DOK6: variants seen among roughly 807,000 people sequenced by gnomAD.
DOK6 encodes the protein docking protein 6, also known as downstream of tyrosine kinase 6.
In DOK6, 22 loss-of-function variants were observed where a neutral mutation model predicts 44.0. The ratio of observed to expected loss-of-function variants is 0.50; its 90% CI spans 0.36 to 0.71. DOK6 has a LOEUF of 0.71. Ranked by LOEUF, DOK6 falls within the 30% of genes least tolerant of loss-of-function variation. The pLI is 0.00. For synonymous variants in DOK6, 166 were observed against 145.5 expected (o/e 1.14, Z -1.01); for missense variants, 340 against 416.4 (o/e 0.82, Z 1.60).
In DOK6 at chr18:69,653,812, G is replaced by A. The variant is rs564917221; in HGVS notation, c.290-23922G>A. Among the ~76,000 whole-genome samples, 23 of 149,614 alleles carry A rather than the reference G, an allele frequency of 1.5e-4. No individual in the cohort carries two copies. The South Asian group carries it at 3.4e-3, about 22-fold the overall frequency. ...ACATCATTGAGATCCTCAAATTATCGCTATAATGTTTCAAACATACAAATT... is the reference window on the plus strand; with the variant it reads ...ACATCATTGAGATCCTCAAATTATCACTATAATGTTTCAAACATACAAATT... On this transcript the variant is annotated intron_variant, in intron 3 of 7. Transcript: ENST00000382713.
At position 69,443,964 on chromosome 18, in the gene DOK6, C is replaced by CATAT. The variant is rs372296596; in HGVS notation, c.66+42664_66+42667dup. ...ATAAACATATGTACACACACATAAT[C>CATAT]ATATATATATATACACACACAATAC... On this transcript the variant is annotated intron_variant, in intron 1 of 7. Transcript: ENST00000382713. Among the ~76,000 whole-genome samples the CATAT allele has an allele frequency of 5.3e-5, 8 of 151,370 alleles. No individual in the cohort carries two copies. The East Asian group carries it at 1.2e-3, about 22-fold the overall frequency.
chr18:69,691,253 G>T (rs891644297), intron 4 of DOK6, among the ~76,000 whole-genome samples: 4 of 151,890 alleles, frequency 2.6e-5, no homozygotes, highest in African/African-American at 9.7e-5. Flanking sequence ...GGACTTTCTT[G>T]TTGTCTCTGT....
chr18:69,780,184 G>C (rs192541310), intron 7 of DOK6, among the ~76,000 whole-genome samples: 27 of 152,260 alleles, frequency 1.8e-4, no homozygotes. Flanking sequence ...TATTTTTGGT[G>C]CTTCTTATTC....
chr18:69,465,395 T>C (rs1018775145), intron 1 of DOK6, among the ~76,000 whole-genome samples: 2 of 151,932 alleles, frequency 1.3e-5, no homozygotes, highest in Non-Finnish European at 2.9e-5. Context: ...CATGCTGGTG[T>C]GCTGCACCCA....
intron 1 of DOK6, among the ~76,000 whole-genome samples, chr18:69,505,650 A>T (rs1981165129): frequency 6.6e-6 from 1 of 151,078 alleles, no homozygotes; most frequent in South Asian, 2.1e-4. Flanking sequence ...GGCGCCCACC[A>T]CCACGCCAAG....
chr18:69,764,645 C>T (rs1979663317), intron 7 of DOK6, among the ~76,000 whole-genome samples: 1 of 152,144 alleles, frequency 6.6e-6, no homozygotes, highest in South Asian at 2.1e-4. Context: ...GCCAATTAAA[C>T]CTCTTTTCTT....
In DOK6 at chr18:69,551,748, T is replaced by C. The variant is rs562765606; in HGVS notation, c.67-12739T>C. Among the ~76,000 whole-genome samples the C allele has an allele frequency of 4.6e-5, 7 of 152,322 alleles. No individual in the cohort carries two copies. The South Asian group carries it at 1.4e-3, about 32-fold the overall frequency. On this transcript the variant is annotated intron_variant, in intron 1 of 7. Coordinates refer to ENST00000382713, the MANE Select transcript of DOK6 (RefSeq NM_152721.6). ...CAGTGGCTTTTAGGAAATTCATATA[T>C]TGAAACAAACATCAAAATTTCACTC...
chr18:69,582,367 A>G (rs1354328885), intron 2 of DOK6, among the ~76,000 whole-genome samples: 5 of 152,254 alleles, frequency 3.3e-5, no homozygotes, highest in African/African-American at 9.6e-5. Context: ...CCTAAATGCA[A>G]TAAGTGTATA....
intron 1 of DOK6, among the ~76,000 whole-genome samples, chr18:69,467,410 G>C (rs1979959413): frequency 6.6e-6 from 1 of 152,064 alleles, no homozygotes; most frequent in Admixed American, 6.5e-5. Context: ...AGGAACATGA[G>C]GTGATTCATT....
chr18:69,693,875 A>G (rs565040455), intron 4 of DOK6, among the ~76,000 whole-genome samples: 53 of 151,338 alleles, frequency 3.5e-4, no homozygotes, highest in South Asian at 2.1e-4. Flanking sequence ...TGGCTAACAC[A>G]GTGAAACCCC....
intron 5 of DOK6, among the ~76,000 whole-genome samples, chr18:69,737,337 A>G (rs71370312): frequency 0.14 from 21,243 of 152,190 alleles, 1,566 homozygotes; most frequent in Middle Eastern, 0.23. Flanking sequence ...GAGCAAAGGA[A>G]GAACTTCCAA....
At chr18:69,469,806 G>T in intron 1 of DOK6, 1 of 229,612 alleles carries the variant, frequency 4.4e-6, no homozygotes, top group Non-Finnish European at 9.1e-6. Context: ...CGGCAGAGGC[G>T]CCCCCACTGT....
intron 1 of DOK6, among the ~76,000 whole-genome samples, chr18:69,501,782 AG>A (rs1351086363): frequency 6.6e-6 from 1 of 152,160 alleles, no homozygotes; most frequent in Non-Finnish European, 1.5e-5. Flanking sequence ...ACTGAGACAC[AG>A]GGATGATTTA....
At chr18:69,579,571 C>CTTT (rs11463109) in intron 2 of DOK6, among the ~76,000 whole-genome samples, 2 of 147,602 alleles carry the variant, frequency 1.4e-5, no homozygotes, top group African/African-American at 5.0e-5. Flanking sequence ...GCCAACTTTT[C>CTTT]TTTTTTTTTT....
At position 69,405,239 on chromosome 18, in the gene DOK6, T is replaced by G. The variant is rs1462084698; in HGVS notation, c.66+3929T>G. Among the ~76,000 whole-genome samples the G allele has an allele frequency of 5.9e-5, 9 of 152,224 alleles. No individual in the cohort carries two copies. The East Asian group carries it at 1.7e-3, about 29-fold the overall frequency. ...TTCTGTAAACACTGTGAGTTTTCCT[T>G]TCCTCTCTCAACAGCTTTCCTCGGA... On this transcript the variant is annotated intron_variant, in intron 1 of 7. Coordinates refer to ENST00000382713, the MANE Select transcript of DOK6 (RefSeq NM_152721.6).
At chr18:69,612,879 C>G (rs550833871) in intron 3 of DOK6, among the ~76,000 whole-genome samples, 1 of 150,344 alleles carries the variant, frequency 6.7e-6, no homozygotes, top group Non-Finnish European at 1.5e-5. Flanking sequence ...GCTTTTCTTT[C>G]TTTCTTTTTT....
Position 69,550,293 on chromosome 18 carries a change from G to A in DOK6, c.67-14194G>A, listed in dbSNP as rs144502786. On this transcript the variant is annotated intron_variant, in intron 1 of 7. Transcript: ENST00000382713. ...AAATGCCTGTATGAAAATGTTCCTG[G>A]AAAGTAGCACTGATGAAATTTTCTG... Among the ~76,000 whole-genome samples the A allele has an allele frequency of 3.1e-3, 476 of 151,758 alleles. 4 individuals are homozygous for A. Among genetic ancestry groups the A allele is most frequent in the African/African-American group, 0.011 (453 of 41,414 alleles).
chr18:69,405,573 CTG>C (rs1194249615), intron 1 of DOK6, among the ~76,000 whole-genome samples: 1 of 149,664 alleles, frequency 6.7e-6, no homozygotes, highest in African/African-American at 2.5e-5. Context: ...AAGCGAAACT[CTG>C]TCTCAAAATA....
intron 3 of DOK6, among the ~76,000 whole-genome samples, chr18:69,654,184 A>AT (rs1985304612): frequency 6.6e-6 from 1 of 152,248 alleles, no homozygotes; most frequent in African/African-American, 2.4e-5. Context: ...AGAGCAAAAA[A>AT]ATATATAAAT....
Sources: allele counts gnomAD v4.1 joint callset (sites outside exome capture counted in the v4.1 genomes callset), GRCh38; gene constraint gnomAD v4.1.1; transcripts MANE v1.5; gene names NCBI Gene and HGNC (gene_info 2026-07-23, HGNC 2026-07-21).